GOLM1: variants seen among roughly 807,000 people sequenced by gnomAD.
GOLM1 encodes epididymis luminal protein 46.
A neutral mutation model predicts 50.5 loss-of-function variants in GOLM1; 31 were observed. That is an observed-to-expected ratio of 0.61 (90% CI 0.46 to 0.83). GOLM1 has a LOEUF of 0.83. Among genes scored for constraint, GOLM1 ranks in the 40% least tolerant of loss-of-function variants. GOLM1 has a pLI of 0.00. For missense variants in GOLM1, 491 were observed against 501.3 expected (o/e 0.98, Z 0.20); for synonymous variants, 178 against 192.8 (o/e 0.92, Z 0.64).
rs74938818 is a variant in GOLM1 at position 86,065,240 on chromosome 9, C to T, written c.309+12172G>A. 1.7e-3 allele frequency among the ~76,000 whole-genome samples: 260 copies of T among 152,334 alleles called. 2 individuals are homozygous for T. The East Asian group carries it at 0.027, about 16-fold the overall frequency. ...ACTGACCCCACTACACTCACTTCCT[C>T]ATCTTTGTCCAGCACTCAATGGTAA... On this transcript the variant is annotated intron_variant, in intron 3 of 9. Transcript: ENST00000388712.
At chr9:86,027,922 T>C (rs766661728) in intron 9 of GOLM1, 29 bp from the exon 10 acceptor site, 6 of 1,362,780 alleles carry the variant, frequency 4.4e-6, no homozygotes, top group African/African-American at 1.4e-5. Context: ...TAATATTCTA[T>C]AGAGTATTAA....
At chr9:86,038,352 G>A (rs1314615533) in intron 6 of GOLM1, among the ~76,000 whole-genome samples, 1 of 152,046 alleles carries the variant, frequency 6.6e-6, no homozygotes, top group Non-Finnish European at 1.5e-5. Context: ...AAACAGGCCA[G>A]AGTGCTCTAT....
At chr9:86,051,067 T>G (rs1833731538) in intron 4 of GOLM1, among the ~76,000 whole-genome samples, 1 of 152,336 alleles carries the variant, frequency 6.6e-6, no homozygotes, top group South Asian at 2.1e-4. Flanking sequence ...TGTTGTGTCT[T>G]TGTTCTCATT....
Position 86,037,934 on chromosome 9 carries a change from C to A in GOLM1, c.598-1427G>T, listed in dbSNP as rs1587698685. On this transcript the variant is annotated intron_variant, in intron 6 of 9. Transcript: ENST00000388712. ...CTTTGGGAGGCTGAGACGGGCTGAT[C>A]ACCTGAGGTCGGGAGTTCAAGACCA... Among the ~76,000 whole-genome samples, 6 of 152,028 alleles carry A rather than the reference C, an allele frequency of 3.9e-5. No homozygotes were observed. The South Asian group carries it at 1.2e-3, about 32-fold the overall frequency.
At chr9:86,052,436 A>C in intron 4 of GOLM1, 101 bp downstream of exon 4, 1 of 917,110 alleles carries the variant, frequency 1.1e-6, no homozygotes, top group Non-Finnish European at 1.8e-6. Flanking sequence ...ACTATCCGCC[A>C]TGAGATTATA....
In GOLM1 at chr9:86,054,715, C is replaced by T. The variant is rs535118925; in HGVS notation, c.310-2124G>A. ...AAGCTACTTGCCAAATTGCTACAAA[C>T]CCAAGCAGGACACCAACGTAGTAGG... On this transcript the variant is annotated intron_variant, in intron 3 of 9. Coordinates refer to ENST00000388712, the MANE Select transcript of GOLM1 (RefSeq NM_016548.4). Among the ~76,000 whole-genome samples, 15 of 152,234 alleles carry T rather than the reference C, an allele frequency of 9.9e-5. 1 individual carries two copies. Among genetic ancestry groups the T allele is most frequent in the African/African-American group, 3.6e-4 (15 of 41,528 alleles).
At chr9:86,033,148 A>G (rs1833033897) in intron 9 of GOLM1, 134 bp downstream of exon 9, 1 of 627,456 alleles carries the variant, frequency 1.6e-6, no homozygotes, top group Non-Finnish European at 2.8e-6. Flanking sequence ...AAAAGCTCCT[A>G]AAGAACAGAC....
chr9:86,081,980 C>A (rs1243731056), intron 1 of GOLM1, among the ~76,000 whole-genome samples: 1 of 150,820 alleles, frequency 6.6e-6, no homozygotes, highest in African/African-American at 2.4e-5. Context: ...TCCTTCTGTT[C>A]CAGTGGTCCT....
In GOLM1 at chr9:86,030,212, C is replaced by CT. The variant is rs1002921293; in HGVS notation, c.1130-2320dup. On this transcript the variant is annotated intron_variant, in intron 9 of 9. Coordinates refer to ENST00000388712, the MANE Select transcript of GOLM1 (RefSeq NM_016548.4). The stretch of plus-strand genomic sequence containing the variant: ...CAGCCTGGGCAAGAAGAGTGAGACT[C>CT]TGTCTCAAAAAAAAAAAAAAAAAAA... 4.1e-5 allele frequency among the ~76,000 whole-genome samples: 4 copies of CT among 98,448 alleles called. No homozygotes were observed. The East Asian group carries it at 1.1e-3, about 26-fold the overall frequency. 64.6% of individuals were successfully genotyped at this position (98,448 alleles called of 152,430 possible).
chr9:86,065,004 G>C (rs12341851), intron 3 of GOLM1, among the ~76,000 whole-genome samples: 2,366 of 152,324 alleles, frequency 0.016, 64 homozygotes, highest in African/African-American at 0.053. Context: ...GGGAGGTGCA[G>C]AACAGAGAAA....
At chr9:86,085,150 C>G (rs571889313) in intron 1 of GOLM1, 4 of 152,278 alleles carry the variant, frequency 2.6e-5, no homozygotes, top group African/African-American at 9.6e-5. Flanking sequence ...TGCCTGTTTT[C>G]CGACATGGTA....
In GOLM1 at chr9:86,077,531, C is replaced by G; in HGVS notation, c.190G>C (p.Glu64Gln). 6.2e-7 allele frequency: 1 copy of G among 1,613,466 alleles called. No homozygotes were observed. Among genetic ancestry groups the G allele is most frequent in the South Asian group, 1.1e-5 (1 of 91,080 alleles). Residue 64 changes from glutamate to glutamine, a missense_variant, in exon 3 of 10, where the codon GAG (glutamate) becomes CAG (glutamine). By Grantham distance (29) the Glu-to-Gln change is conservative (BLOSUM62 2). Transcript: ENST00000388712. ...RRAAAERGAVELKKNEFQGEL... is the reference protein window; with the variant it reads ...RRAAAERGAVQLKKNEFQGEL... ...CCCTGGAACTCGTTCTTCTTCAGCT[C>G]CACGGCGCCTCTCTCTGCAGCCGCC...
chr9:86,035,463 G>A lies in GOLM1; in HGVS notation c.920C>T (p.Ser307Leu), dbSNP rs149739829. Residue 307 changes from serine (S) to leucine (L), a missense_variant, in exon 8 of 10, where the codon TCA (serine) becomes TTA (leucine). By Grantham distance (145) the Ser-to-Leu change is moderately radical. Transcript: ENST00000388712. ...CATCTCTGGATTTTCCTGGCTCACT[G>A]ACAGGGCAGCCTGCACCTGTGGGGT... ...GQTPQVQAAL[S>L]VSQENPEMEG... 6,444 of 1,613,792 alleles carry A rather than the reference G, an allele frequency of 4.0e-3. 22 individuals are homozygous for A. The highest frequency in any genetic ancestry group is 4.8e-3 in the Non-Finnish European group (5,606 of 1,179,976).
chr9:86,048,852 T>C (rs1380265946), intron 4 of GOLM1, among the ~76,000 whole-genome samples: 1 of 152,222 alleles, frequency 6.6e-6, no homozygotes, highest in Non-Finnish European at 1.5e-5. Flanking sequence ...GGTAGTTTCT[T>C]TTGCTGTGCA....
At chr9:86,074,692 T>G (rs1401196498) in intron 3 of GOLM1, among the ~76,000 whole-genome samples, 2 of 152,140 alleles carry the variant, frequency 1.3e-5, no homozygotes, top group African/African-American at 2.4e-5. Flanking sequence ...CTCGTCAGAC[T>G]GCTGGGAGGA....
At chr9:86,043,195 T>C (rs1164048078) in intron 5 of GOLM1, among the ~76,000 whole-genome samples, 2 of 152,184 alleles carry the variant, frequency 1.3e-5, no homozygotes, top group Non-Finnish European at 2.9e-5. Flanking sequence ...GTTCATCTCA[T>C]GTGCTGACTC....
intron 6 of GOLM1, among the ~76,000 whole-genome samples, chr9:86,038,674 A>G (rs977765956): frequency 6.6e-6 from 1 of 152,198 alleles, no homozygotes; most frequent in Admixed American, 6.5e-5. Context: ...TGCCAAGACA[A>G]TTCAGTGGGG....
intron 3 of GOLM1, among the ~76,000 whole-genome samples, chr9:86,072,869 A>G (rs1298666033): frequency 6.6e-6 from 1 of 152,196 alleles, no homozygotes; most frequent in Non-Finnish European, 1.5e-5. Flanking sequence ...ACAGCATGGG[A>G]CTGTACTGAA....
chr9:86,050,959 G>A (rs995774241), intron 4 of GOLM1, among the ~76,000 whole-genome samples: 1 of 152,134 alleles, frequency 6.6e-6, no homozygotes, highest in African/African-American at 2.4e-5. Context: ...TGGTGTTAGG[G>A]TGTCAATTTT....
Sources: gnomAD v4.1 joint callset for allele counts (sites outside exome capture counted in the v4.1 genomes callset) on GRCh38, gnomAD v4.1.1 for gene constraint, MANE v1.5 for transcripts, NCBI Gene and HGNC (gene_info 2026-07-23, HGNC 2026-07-21) for gene names.